RFX3: variants seen among roughly 807,000 people sequenced by gnomAD.
RFX3 encodes transcription factor RFX3.
A neutral mutation model predicts 98.6 loss-of-function variants in RFX3; 14 were observed. The ratio of observed to expected loss-of-function variants is 0.14; its 90% CI spans 0.09 to 0.22. The LOEUF (loss-of-function observed/expected upper bound fraction) is 0.22. Among genes scored for constraint, RFX3 ranks in the 10% least tolerant of loss-of-function variants. The pLI, the probability that RFX3 is intolerant of heterozygous loss-of-function variation, is 1.00. For missense variants in RFX3, 639 were observed against 926.9 expected (o/e 0.69, Z 4.03); for synonymous variants, 383 against 328.4 (o/e 1.17, Z -1.80).
chr9:3,320,891 T>C (rs919509961), intron 4 of RFX3, among the ~76,000 whole-genome samples: 3 of 150,864 alleles, frequency 2.0e-5, no homozygotes, highest in African/African-American at 7.3e-5. Flanking sequence ...TCCCTGCTGA[T>C]GGATAAGGCA....
intron 1 of RFX3, among the ~76,000 whole-genome samples, chr9:3,485,835 T>C (rs140807919): frequency 3.9e-5 from 6 of 152,174 alleles, no homozygotes; most frequent in African/African-American, 4.8e-5. Flanking sequence ...TTAAGAATAA[T>C]AGATATTGGC....
intron 13 of RFX3, among the ~76,000 whole-genome samples, chr9:3,258,925 TTAAAA>T (rs966940258): frequency 1.3e-5 from 2 of 151,806 alleles, no homozygotes; most frequent in Admixed American, 6.6e-5. Context: ...ACTTAAATGT[TTAAAA>T]TAAAAGAGGA....
At chr9:3,397,694 G>T (rs1362374644) in intron 1 of RFX3, among the ~76,000 whole-genome samples, 3 of 152,060 alleles carry the variant, frequency 2.0e-5, no homozygotes, top group Non-Finnish European at 4.4e-5. Context: ...CATCTTTTTA[G>T]GGGATTATTT....
intron 1 of RFX3, among the ~76,000 whole-genome samples, chr9:3,404,672 A>T (rs1399269229): frequency 6.6e-6 from 1 of 152,208 alleles, no homozygotes; most frequent in Non-Finnish European, 1.5e-5. Flanking sequence ...AATCAACTGT[A>T]AATTCCTTAC....
At position 3,222,690 on chromosome 9, in the gene RFX3, A is replaced by G. The variant is rs567999760; in HGVS notation, c.*2352T>C. ...TTAATTTTACCTGTAAACACTTCCT[A>G]TGCACAATGAAGTAGATACATGAAC... On this transcript the variant is annotated 3_prime_UTR_variant, in exon 17 of 17. Coordinates refer to ENST00000617270, the MANE Select transcript of RFX3 (RefSeq NM_001282116.2). 9 of 152,264 alleles carry G rather than the reference A, an allele frequency of 5.9e-5. No individual in the cohort carries two copies. Among genetic ancestry groups the G allele is most frequent in the South Asian group, 4.1e-4 (2 of 4,826 alleles). The allele number at this position is 152,264 out of a possible 1,614,324, so 9.4% of individuals were successfully genotyped here. A position where few individuals can be genotyped will look rare whatever the true frequency, so the allele number is the denominator to read the frequency against.
At chr9:3,225,523 C>T (rs369835984) in intron 16 of RFX3, among the ~76,000 whole-genome samples, 17 of 143,920 alleles carry the variant, frequency 1.2e-4, no homozygotes, top group African/African-American at 5.0e-4. Flanking sequence ...GTGATTGATA[C>T]TTTGTTAACT....
At chr9:3,479,670 TA>T (rs1362776017) in intron 1 of RFX3, among the ~76,000 whole-genome samples, 2 of 152,060 alleles carry the variant, frequency 1.3e-5, no homozygotes, top group African/African-American at 4.8e-5. Flanking sequence ...CAGAAACAAG[TA>T]AAAGTGAGGA....
At chr9:3,365,829 T>A (rs1836996583) in intron 2 of RFX3, among the ~76,000 whole-genome samples, 1 of 152,062 alleles carries the variant, frequency 6.6e-6, no homozygotes, top group African/African-American at 2.4e-5. Flanking sequence ...CATCCTCATG[T>A]GTTTAACTGT....
rs1477229441 is a variant in RFX3, at chr9:3,366,712, TTCTTTC to T, written c.118-19954_118-19949del. Among the ~76,000 whole-genome samples, 3 of 134,468 alleles carry T rather than the reference TTCTTTC, an allele frequency of 2.2e-5. No homozygotes were observed. The Admixed American group carries it at 2.2e-4, about 10-fold the overall frequency. The allele number at this position is 134,468 out of a possible 152,430, so 88.2% of individuals were successfully genotyped here. A position where few individuals can be genotyped will look rare whatever the true frequency, so the allele number is the denominator to read the frequency against. ...TTCTTTCCTTTCTTTCTTTCTTTCT[TTCTTTC>T]TTTCTTTCTTTCTTTCTTTCTTTCT... is the stretch of plus-strand genomic sequence containing the variant. On this transcript the variant is annotated intron_variant, in intron 2 of 16. Transcript: ENST00000617270.
chr9:3,309,573 AAG>A (rs759175621), intron 4 of RFX3, among the ~76,000 whole-genome samples: 8 of 151,188 alleles, frequency 5.3e-5, no homozygotes, highest in Non-Finnish European at 1.0e-4. Context: ...CCAGGGGGAA[AAG>A]AGAATGGGGG....
intron 1 of RFX3, among the ~76,000 whole-genome samples, chr9:3,458,155 C>T (rs1847361280): frequency 1.3e-5 from 2 of 152,164 alleles, no homozygotes; most frequent in South Asian, 4.2e-4. Context: ...ATTTAAGGTG[C>T]ATGAAGTGTA....
intron 15 of RFX3, among the ~76,000 whole-genome samples, chr9:3,231,346 G>C (rs1818416860): frequency 6.6e-6 from 1 of 152,010 alleles, no homozygotes; most frequent in African/African-American, 2.4e-5. Flanking sequence ...AAGTTACAGA[G>C]GAAAAAACAC....
intron 2 of RFX3, among the ~76,000 whole-genome samples, chr9:3,375,658 C>G (rs1838378281): frequency 6.6e-6 from 1 of 152,098 alleles, no homozygotes; most frequent in Admixed American, 6.6e-5. Context: ...TTATAGAAAT[C>G]CATTTAATTA....
intron 1 of RFX3, among the ~76,000 whole-genome samples, chr9:3,409,382 A>G (rs147461482): frequency 0.011 from 1,649 of 152,360 alleles, 17 homozygotes; most frequent in East Asian, 0.031. Flanking sequence ...TTGAAATATC[A>G]ATGATAAAAT....
intron 9 of RFX3, among the ~76,000 whole-genome samples, chr9:3,271,968 C>G (rs1485575504): frequency 6.6e-6 from 1 of 152,092 alleles, no homozygotes; most frequent in African/African-American, 2.4e-5. Context: ...TTTCAAATCT[C>G]GGGGGCCTCA....
At chr9:3,412,250 T>G (rs964914672) in intron 1 of RFX3, among the ~76,000 whole-genome samples, 54 of 152,204 alleles carry the variant, frequency 3.5e-4, no homozygotes, top group African/African-American at 1.3e-3. Flanking sequence ...CAGAGAAATG[T>G]AAGCTCACAG....
chr9:3,503,446 A>C (rs1295983908), intron 1 of RFX3, among the ~76,000 whole-genome samples: 1 of 152,116 alleles, frequency 6.6e-6, no homozygotes, highest in East Asian at 1.9e-4. Context: ...AGTCCAATAC[A>C]GTAGAATAGC....
intron 1 of RFX3, among the ~76,000 whole-genome samples, chr9:3,456,629 C>T (rs1390776285): frequency 6.6e-6 from 1 of 152,206 alleles, no homozygotes; most frequent in African/African-American, 2.4e-5. Context: ...TTCAACCATC[C>T]ATTAATTTAC....
At chr9:3,264,785 A>C (rs80211822) in intron 12 of RFX3, among the ~76,000 whole-genome samples, 5,907 of 152,266 alleles carry the variant, frequency 0.039, 383 homozygotes, top group African/African-American at 0.13. Context: ...AAAAGACTGC[A>C]TATCAGTGAA....
Sources: allele counts gnomAD v4.1 joint callset (sites outside exome capture counted in the v4.1 genomes callset), GRCh38; gene constraint gnomAD v4.1.1; transcripts MANE v1.5; gene names NCBI Gene and HGNC (gene_info 2026-07-23, HGNC 2026-07-21).